TRPM3: variants seen among roughly 807,000 people sequenced by gnomAD.
TRPM3 encodes the protein transient receptor potential cation channel subfamily M member 3.
A neutral mutation model predicts 181.2 loss-of-function variants in TRPM3; 77 were observed. That is an observed-to-expected ratio of 0.42 (90% CI 0.35 to 0.51). TRPM3 has a LOEUF of 0.51. TRPM3 is among the 20% of genes least tolerant of loss of function. The probability of loss-of-function intolerance (pLI) is 0.01; values close to 1 mark genes in which losing one functional copy is unlikely to be tolerated. For missense variants in TRPM3, 1,759 were observed against 2,196.7 expected (o/e 0.80, Z 3.98); for synonymous variants, 745 against 796.4 (o/e 0.94, Z 1.09).
intron 1 of TRPM3, among the ~76,000 whole-genome samples, chr9:70,879,412 A>G (rs11142634): frequency 6.6e-6 from 1 of 151,796 alleles, no homozygotes; most frequent in African/African-American, 2.4e-5. Flanking sequence ...TACTTTCTAC[A>G]TTTTAAGATT....
chr9:71,393,977 C>A (rs1207881049), intron 1 of TRPM3, among the ~76,000 whole-genome samples: 1 of 152,104 alleles, frequency 6.6e-6, no homozygotes, highest in Non-Finnish European at 1.5e-5. Context: ...GGTCTGGAGA[C>A]CGCTTTACAA....
At chr9:70,593,048 A>G (rs1418448247) in intron 21 of TRPM3, among the ~76,000 whole-genome samples, 1 of 152,118 alleles carries the variant, frequency 6.6e-6, no homozygotes, top group Non-Finnish European at 1.5e-5. Flanking sequence ...GTTTTAAAAG[A>G]GTGTCTGTTA....
intron 1 of TRPM3, among the ~76,000 whole-genome samples, chr9:71,424,147 C>T (rs1161931758): frequency 6.6e-6 from 1 of 152,122 alleles, no homozygotes; most frequent in Admixed American, 6.6e-5. Flanking sequence ...AGGTTCTTTC[C>T]AGATAATTCA....
intron 1 of TRPM3, among the ~76,000 whole-genome samples, chr9:70,888,362 G>GGGGGGT (rs753777667): frequency 7.0e-6 from 1 of 143,730 alleles, no homozygotes; most frequent in African/African-American, 2.6e-5. Context: ...TTTATTTTGG[G>GGGGGGT]GTGTGTGTGT....
chr9:71,201,361 T>C (rs989853478), intron 1 of TRPM3, among the ~76,000 whole-genome samples: 56 of 152,188 alleles, frequency 3.7e-4, no homozygotes, highest in African/African-American at 1.2e-3. Context: ...CTTGGAGTTG[T>C]TCTTCTCGAG....
intron 22 of TRPM3, among the ~76,000 whole-genome samples, chr9:70,576,836 A>G (rs879428247): frequency 1.3e-5 from 2 of 152,192 alleles, no homozygotes; most frequent in Admixed American, 6.5e-5. Context: ...TTAAACTCCA[A>G]TCACACTGGC....
At chr9:71,298,365 G>A (rs1428947939) in intron 1 of TRPM3, among the ~76,000 whole-genome samples, 4 of 152,008 alleles carry the variant, frequency 2.6e-5, no homozygotes, top group African/African-American at 9.7e-5. Flanking sequence ...TGAGATATTT[G>A]TCTAAGCTCA....
At chr9:71,446,007 A>C (rs959037383) in intron 1 of TRPM3, among the ~76,000 whole-genome samples, 4 of 152,234 alleles carry the variant, frequency 2.6e-5, no homozygotes, top group African/African-American at 9.7e-5. Flanking sequence ...TATGATGCCT[A>C]TATTAATTTC....
chr9:71,046,381 TAACTCTTCAC>T (rs2059443534), intron 1 of TRPM3, among the ~76,000 whole-genome samples: 1 of 152,212 alleles, frequency 6.6e-6, no homozygotes, highest in South Asian at 2.1e-4. Flanking sequence ...ATCGCATGAA[TAACTCTTCAC>T]AACTCAATAT....
At chr9:70,751,349 T>G (rs1184856564) in intron 8 of TRPM3, among the ~76,000 whole-genome samples, 1 of 152,094 alleles carries the variant, frequency 6.6e-6, no homozygotes, top group Non-Finnish European at 1.5e-5. Context: ...CTCTGAATAA[T>G]GATAGAAAAA....
chr9:71,307,319 T>C (rs572713355), intron 1 of TRPM3, among the ~76,000 whole-genome samples: 5 of 151,620 alleles, frequency 3.3e-5, no homozygotes, highest in Middle Eastern at 3.4e-3. Context: ...CCCTGTTTAT[T>C]TACCAATCCT....
intron 1 of TRPM3, among the ~76,000 whole-genome samples, chr9:71,095,382 G>A (rs907281489): frequency 3.8e-5 from 1 of 26,278 alleles, no homozygotes; most frequent in African/African-American, 2.5e-4. Flanking sequence ...GGGGCACGAC[G>A]GGAGATCCTC....
intron 1 of TRPM3, among the ~76,000 whole-genome samples, chr9:71,134,289 G>T (rs2074614407): frequency 2.0e-5 from 3 of 152,086 alleles, no homozygotes; most frequent in African/African-American, 7.2e-5. Flanking sequence ...TTTCAGCCAG[G>T]CACAGTGGCT....
At chr9:71,094,394 C>G (rs1179385331) in intron 1 of TRPM3, among the ~76,000 whole-genome samples, 1 of 152,152 alleles carries the variant, frequency 6.6e-6, no homozygotes, top group African/African-American at 2.4e-5. Context: ...GAAATTATTT[C>G]TGACAGAATT....
At chr9:70,700,123 C>T (rs1014554764) in intron 8 of TRPM3, among the ~76,000 whole-genome samples, 1 of 152,170 alleles carries the variant, frequency 6.6e-6, no homozygotes, top group Non-Finnish European at 1.5e-5. Context: ...GCTTAGACTA[C>T]AGGCATGTGC....
At position 70,871,016 on chromosome 9, in the gene TRPM3, G is replaced by A. The variant is rs998075683; in HGVS notation, c.178-6505C>T. On this transcript the variant is annotated intron_variant, in intron 1 of 25. Coordinates refer to ENST00000677713, the MANE Select transcript of TRPM3 (RefSeq NM_001366145.2). ...ATTACGGATGAGTATCTCAGGAAGA[G>A]ACAAAGCAAGGAGAATTAAGTAAAA... is the stretch of plus-strand genomic sequence containing the variant. Among the ~76,000 whole-genome samples, 8 of 151,982 alleles carry A rather than the reference G, an allele frequency of 5.3e-5. No homozygotes were observed. The East Asian group carries it at 7.8e-4, about 15-fold the overall frequency.
At chr9:70,553,407 A>C (rs1338237382) in intron 22 of TRPM3, 97 bp from the exon 23 acceptor site, 1 of 1,420,056 alleles carries the variant, frequency 7.0e-7, no homozygotes, top group Admixed American at 2.4e-5. Flanking sequence ...AGATGGAAGA[A>C]ATATATAGCC....
chr9:71,109,859 C>T (rs1348702776), intron 1 of TRPM3, among the ~76,000 whole-genome samples: 1 of 152,118 alleles, frequency 6.6e-6, no homozygotes, highest in South Asian at 2.1e-4. Flanking sequence ...GAACCCACCA[C>T]ATTTGTTCAC....
intron 1 of TRPM3, among the ~76,000 whole-genome samples, chr9:70,881,488 G>A (rs909876922): frequency 6.6e-6 from 1 of 152,166 alleles, no homozygotes; most frequent in Non-Finnish European, 1.5e-5. Context: ...TAGGTACCAG[G>A]CAGGCTGATT....
Sources: gnomAD v4.1 joint callset for allele counts (sites outside exome capture counted in the v4.1 genomes callset) on GRCh38, gnomAD v4.1.1 for gene constraint, MANE v1.5 for transcripts, NCBI Gene and HGNC (gene_info 2026-07-23, HGNC 2026-07-21) for gene names.